Variants in SMAD2 observed in about 807,000 individuals in gnomAD.
The protein encoded by SMAD2 is MAD homolog 2.
SMAD2 carries 8 observed loss-of-function variants against 64.4 expected under a neutral mutation model. The observed-to-expected ratio is 0.12, with a 90% CI of 0.07 to 0.22. The LOEUF (loss-of-function observed/expected upper bound fraction) is 0.22, where lower values mean the gene tolerates loss of function less well. SMAD2 is among the 10% of genes least tolerant of loss of function. SMAD2 has a pLI of 1.00. For missense variants in SMAD2, 289 were observed against 561.2 expected, an observed-to-expected ratio of 0.51 and a Z score of 4.90; for synonymous variants, 203 against 195.8, an observed-to-expected ratio of 1.04 and a Z score of -0.31.
chr18:47,847,033 T>A (rs1014486183), intron 8 of SMAD2, among the ~76,000 whole-genome samples: 9 of 152,198 alleles, frequency 5.9e-5, no homozygotes, highest in African/African-American at 2.2e-4. Flanking sequence ...CTATATTCCC[T>A]GATCAATATC....
At chr18:47,864,843 TAAC>T (rs1415056468) in intron 6 of SMAD2, among the ~76,000 whole-genome samples, 3 of 152,128 alleles carry the variant, frequency 2.0e-5, no homozygotes, top group African/African-American at 7.2e-5. Context: ...TAATAAAAAA[TAAC>T]AATTATTCTG....
chr18:47,881,557 C>T (rs554635082), intron 2 of SMAD2, among the ~76,000 whole-genome samples: 1 of 152,246 alleles, frequency 6.6e-6, no homozygotes, highest in Admixed American at 6.5e-5. Context: ...TGAAACATTC[C>T]TTCAGATCTT....
At position 47,870,534 on chromosome 18, in the gene SMAD2, T is replaced by C. The variant is rs2144384595; in HGVS notation, c.267A>G (p.Thr89=). The change falls in exon 3 of 11, where the codon ACA becomes ACG. Residue 89 remains threonine, a synonymous_variant. Transcript: ENST00000262160. ...STCSEIWGLS[T]PNTIDQWDTT... is the part of the protein sequence containing the mutation. ...TATCCCACTGATCTATCGTATTTGG[T>C]GTACTCAGTCCCCAAATTTCAGAGC... The C allele has an allele frequency of 6.2e-7, 1 of 1,613,598 alleles. No homozygotes were observed. The highest frequency in any genetic ancestry group is 8.5e-7 in the Non-Finnish European group (1 of 1,179,562).
At chr18:47,918,234 C>T (rs896833339) in intron 1 of SMAD2, among the ~76,000 whole-genome samples, 2 of 152,168 alleles carry the variant, frequency 1.3e-5, no homozygotes, top group Non-Finnish European at 2.9e-5. Context: ...TAGGAGATGG[C>T]CTGGGTATAA....
intron 10 of SMAD2, 125 bp downstream of exon 10, chr18:47,845,215 A>G (rs761535822): frequency 3.0e-6 from 3 of 1,015,226 alleles, no homozygotes; most frequent in Non-Finnish European, 4.6e-6. Context: ...ACTTTATTTT[A>G]CATAAAGATC....
chr18:47,890,852 G>A (rs1043935424), intron 2 of SMAD2, among the ~76,000 whole-genome samples: 7 of 152,124 alleles, frequency 4.6e-5, no homozygotes, highest in African/African-American at 1.7e-4. Flanking sequence ...ACTACAGTTT[G>A]GGTTCAAAAA....
intron 2 of SMAD2, among the ~76,000 whole-genome samples, chr18:47,871,813 A>G (rs1286760414): frequency 6.6e-6 from 1 of 152,222 alleles, no homozygotes; most frequent in Non-Finnish European, 1.5e-5. Flanking sequence ...ATATTTTCAA[A>G]TATCTATTGG....
intron 1 of SMAD2, among the ~76,000 whole-genome samples, chr18:47,914,706 T>C (rs530925957): frequency 1.1e-4 from 16 of 152,292 alleles, no homozygotes; most frequent in Admixed American, 1.0e-3. Context: ...CTGTTATTTG[T>C]TCACACTTAA....
At chr18:47,876,167 A>G (rs1184999238) in intron 2 of SMAD2, among the ~76,000 whole-genome samples, 3 of 152,082 alleles carry the variant, frequency 2.0e-5, no homozygotes, top group African/African-American at 7.2e-5. Flanking sequence ...TAACAATGAT[A>G]GCAATATCCC....
chr18:47,870,546 C>A lies in SMAD2; in HGVS notation c.255G>T (p.Trp85Cys). The change falls in exon 3 of 11, where the codon TGG (tryptophan) becomes TGT (cysteine). Residue 85 changes from tryptophan to cysteine, a missense_variant. Coordinates refer to ENST00000262160, the MANE Select transcript of SMAD2 (RefSeq NM_005901.6). ...VTIPSTCSEI[W>C]GLSTPNTIDQ... is the part of the protein sequence containing the mutation. The stretch of plus-strand genomic sequence containing the variant: ...CTATCGTATTTGGTGTACTCAGTCC[C>A]CAAATTTCAGAGCAAGTGCTGTGCA... The A allele has an allele frequency of 6.2e-7, 1 of 1,613,098 alleles. No homozygotes were observed. The highest frequency in any genetic ancestry group is 1.1e-5 in the South Asian group (1 of 91,068).
In SMAD2 at chr18:47,907,151, G is replaced by C. The variant is rs182575660; in HGVS notation, c.-53-10342C>G. Among the ~76,000 whole-genome samples, 169 of 152,198 alleles carry C rather than the reference G, an allele frequency of 1.1e-3. 1 individual carries two copies. The highest frequency in any genetic ancestry group is 3.9e-3 in the African/African-American group (164 of 41,524). ...TTGGAAAACCGGCAAGTTCCAAAAA[G>C]TTAAACATAGATCTACCCTGTATCA... On this transcript the variant is annotated intron_variant, in intron 1 of 10. Transcript: ENST00000262160.
chr18:47,910,524 T>C (rs758500562), intron 1 of SMAD2, among the ~76,000 whole-genome samples: 1 of 152,048 alleles, frequency 6.6e-6, no homozygotes, highest in East Asian at 1.9e-4. Flanking sequence ...GAAATGAAAA[T>C]GCAAAAAGTC....
chr18:47,841,009 C>T lies in SMAD2; in HGVS notation c.*818G>A, dbSNP rs189397494. 46 of 232,344 alleles carry T rather than the reference C, an allele frequency of 2.0e-4. No individual in the cohort carries two copies. The highest frequency in any genetic ancestry group is 4.5e-4 in the Admixed American group (8 of 17,766). The allele number at this position is 232,344 out of a possible 1,614,324, so 14.4% of individuals were successfully genotyped here. A position where few individuals can be genotyped will look rare whatever the true frequency, so the allele number is the denominator to read the frequency against. ...TACTGTATCCCAGAATTAACTGGTG[C>T]CAGCAGTATCAATGCAACTATTACT... On this transcript the variant is annotated 3_prime_UTR_variant, in exon 11 of 11. Transcript: ENST00000262160.
intron 2 of SMAD2, among the ~76,000 whole-genome samples, chr18:47,879,342 G>T (rs145495094): frequency 7.2e-5 from 11 of 152,120 alleles, no homozygotes; most frequent in African/African-American, 1.7e-4. Context: ...GCATCCATGC[G>T]CTCATCCCCA....
At chr18:47,841,972 A>T in intron 10 of SMAD2, 22 bp from the exon 11 acceptor site, 1 of 1,613,844 alleles carries the variant, frequency 6.2e-7, no homozygotes, top group Non-Finnish European at 8.5e-7. Flanking sequence ...AATACAGGAA[A>T]ATGATTATGA....
chr18:47,879,983 G>A (rs904235284), intron 2 of SMAD2, among the ~76,000 whole-genome samples: 3 of 152,094 alleles, frequency 2.0e-5, no homozygotes, highest in African/African-American at 7.2e-5. Flanking sequence ...TTTATCTTCA[G>A]TGAAGTAGCC....
rs1912488996 is a variant in SMAD2 at position 47,819,449 on chromosome 18, T to C, written c.*22378A>G. The C allele has an allele frequency of 6.6e-6, 1 of 152,150 alleles. No individual in the cohort carries two copies. Among genetic ancestry groups the C allele is most frequent in the Non-Finnish European group, 1.5e-5 (1 of 68,036 alleles). The allele number at this position is 152,150 out of a possible 1,614,324, so 9.4% of individuals were successfully genotyped here. On this transcript the variant is annotated 3_prime_UTR_variant, in exon 11 of 11. Coordinates refer to ENST00000262160, the MANE Select transcript of SMAD2 (RefSeq NM_005901.6). ...GTAATAAAAATGGTTAACAGGAAAATAACTTGAAATGACTAGCTATGTCTA... is the reference window on the plus strand; with the variant it reads ...GTAATAAAAATGGTTAACAGGAAAACAACTTGAAATGACTAGCTATGTCTA...
intron 1 of SMAD2, among the ~76,000 whole-genome samples, chr18:47,926,742 A>G (rs2034782329): frequency 6.6e-6 from 1 of 152,198 alleles, no homozygotes; most frequent in African/African-American, 2.4e-5. Context: ...TACATTTTAC[A>G]ATAGGTCCAT....
chr18:47,868,478 C>A (rs1467626303), intron 4 of SMAD2, 21 bp from the exon 5 acceptor site: 1 of 1,607,260 alleles, frequency 6.2e-7, no homozygotes, highest in South Asian at 1.1e-5. Flanking sequence ...TCAAGAAATC[C>A]AAGTTAATGG....
Sources: allele counts gnomAD v4.1 joint callset (sites outside exome capture counted in the v4.1 genomes callset), GRCh38; gene constraint gnomAD v4.1.1; transcripts MANE v1.5; gene names NCBI Gene and HGNC (gene_info 2026-07-23, HGNC 2026-07-21).